Variants in PIP5K1B observed in about 807,000 individuals in gnomAD.
PIP5K1B encodes the protein phosphatidylinositol 4-phosphate 5-kinase type-1 beta.
Under a neutral mutation model 67.0 loss-of-function variants are expected in PIP5K1B, and 42 were observed. The observed-to-expected ratio is 0.63, with a 90% confidence interval of 0.49 to 0.81. The LOEUF (loss-of-function observed/expected upper bound fraction) is 0.81. PIP5K1B is among the 30% of genes least tolerant of loss of function. PIP5K1B has a pLI of 0.00. For missense variants in PIP5K1B, 459 were observed against 646.3 expected, an observed-to-expected ratio of 0.71 and a Z score of 3.14; for synonymous variants, 214 against 231.4, an observed-to-expected ratio of 0.92 and a Z score of 0.68.
chr9:68,866,814 C>A (rs541717907), intron 5 of PIP5K1B, among the ~76,000 whole-genome samples: 1 of 152,214 alleles, frequency 6.6e-6, no homozygotes, highest in Non-Finnish European at 1.5e-5. Flanking sequence ...GCTGGAGGTT[C>A]ATGGACCAGA....
At chr9:68,748,257 T>C (rs1217753263) in intron 2 of PIP5K1B, among the ~76,000 whole-genome samples, 1 of 152,220 alleles carries the variant, frequency 6.6e-6, no homozygotes, top group African/African-American at 2.4e-5. Context: ...ATATTTTTAA[T>C]ATCAAAACAT....
chr9:68,907,442 AT>A (rs1268686793), intron 8 of PIP5K1B, among the ~76,000 whole-genome samples: 3 of 152,062 alleles, frequency 2.0e-5, no homozygotes, highest in East Asian at 3.9e-4. Flanking sequence ...ATTTAAAAAA[AT>A]ATTAAAATAA....
At chr9:68,873,131 G>C (rs752608476) in intron 5 of PIP5K1B, among the ~76,000 whole-genome samples, 1 of 150,318 alleles carries the variant, frequency 6.7e-6, no homozygotes, top group Non-Finnish European at 1.5e-5. Flanking sequence ...TCACAGTCGT[G>C]GATTTTCACC....
At position 68,882,911 on chromosome 9, in the gene PIP5K1B, G is replaced by C. The variant is rs192779360; in HGVS notation, c.319-6070G>C. ...CTCTTTGGATCACCCTGAAGTCATG[G>C]GCAGTAGGCTGAGAACCTCAGTGTA... On this transcript the variant is annotated intron_variant, in intron 6 of 15. Transcript: ENST00000265382. 2.0e-5 allele frequency among the ~76,000 whole-genome samples: 3 copies of C among 152,274 alleles called. No individual in the cohort carries two copies. The East Asian group carries it at 5.8e-4, about 29-fold the overall frequency.
chr9:68,921,343 T>C (rs1826392045), intron 11 of PIP5K1B, among the ~76,000 whole-genome samples: 1 of 152,090 alleles, frequency 6.6e-6, no homozygotes, highest in African/African-American at 2.4e-5. Flanking sequence ...TCAATCTTAC[T>C]GAGATCAAAA....
At chr9:68,728,436 C>G (rs1238983898) in intron 1 of PIP5K1B, among the ~76,000 whole-genome samples, 1 of 152,084 alleles carries the variant, frequency 6.6e-6, no homozygotes, top group African/African-American at 2.4e-5. Context: ...CATTATTCCC[C>G]ATAGGCCCCA....
chr9:68,776,104 G>A (rs749761933), intron 2 of PIP5K1B, among the ~76,000 whole-genome samples: 1 of 152,060 alleles, frequency 6.6e-6, no homozygotes, highest in Non-Finnish European at 1.5e-5. Flanking sequence ...AAGTTCCTAT[G>A]GTTTTAAAGC....
intron 2 of PIP5K1B, chr9:68,786,260 G>A (rs1287911914): frequency 6.6e-6 from 1 of 152,104 alleles, no homozygotes; most frequent in Non-Finnish European, 1.5e-5. Flanking sequence ...ATAATGATGT[G>A]TTAATATTTC....
At chr9:68,800,301 C>T (rs1778801448) in intron 2 of PIP5K1B, among the ~76,000 whole-genome samples, 1 of 152,192 alleles carries the variant, frequency 6.6e-6, no homozygotes, top group Non-Finnish European at 1.5e-5. Flanking sequence ...TGGGGGTAGA[C>T]CTTGCCTTTC....
At chr9:68,726,707 A>G (rs878952653) in intron 1 of PIP5K1B, among the ~76,000 whole-genome samples, 4 of 152,210 alleles carry the variant, frequency 2.6e-5, no homozygotes, top group South Asian at 2.1e-4. Flanking sequence ...AAGATAAGCT[A>G]TAGCTGTTAA....
At chr9:68,923,877 T>C (rs1826538048) in intron 12 of PIP5K1B, among the ~76,000 whole-genome samples, 3 of 152,080 alleles carry the variant, frequency 2.0e-5, no homozygotes, top group Non-Finnish European at 4.4e-5. Context: ...TCATACAAAG[T>C]ATCTTTTCTG....
At position 68,917,483 on chromosome 9, in the gene PIP5K1B, T is replaced by C; in HGVS notation, c.772-65T>C. ...TGTCTGTATATCTAGAGCTCTCTGA[T>C]AATGAGTAGATGAGACGAACAGGCC... On this transcript the variant is annotated intron_variant, in intron 8 of 15. Transcript: ENST00000265382. The C allele has an allele frequency of 2.7e-6, 3 of 1,124,986 alleles. No individual in the cohort carries two copies. In the South Asian group the frequency reaches 3.8e-5, roughly 14 times the overall value. The allele number at this position is 1,124,986 out of a possible 1,614,324, so 69.7% of individuals were successfully genotyped here.
At chr9:68,850,332 T>C (rs1242116131) in intron 4 of PIP5K1B, among the ~76,000 whole-genome samples, 8 of 152,212 alleles carry the variant, frequency 5.3e-5, no homozygotes, top group Non-Finnish European at 1.2e-4. Context: ...TTGAAATCCA[T>C]TACTATATCA....
intron 8 of PIP5K1B, among the ~76,000 whole-genome samples, chr9:68,915,748 C>G (rs1252890418): frequency 1.3e-5 from 2 of 152,208 alleles, no homozygotes; most frequent in Admixed American, 1.3e-4. Context: ...AGATTCTACT[C>G]TGAGCTCCTG....
chr9:68,903,355 CAAGGT>C (rs1825456699), intron 8 of PIP5K1B, among the ~76,000 whole-genome samples: 1 of 152,124 alleles, frequency 6.6e-6, no homozygotes, highest in African/African-American at 2.4e-5. Context: ...TGGAAAGAAC[CAAGGT>C]AAATCATGTC....
chr9:68,784,688 CAG>C (rs1463100021), intron 2 of PIP5K1B: 18 of 162,514 alleles, frequency 1.1e-4, no homozygotes, highest in African/African-American at 3.6e-4. Flanking sequence ...AGGTGGGAGT[CAG>C]GGGAATGGTT....
intron 2 of PIP5K1B, chr9:68,780,084 C>CATTAAAA: frequency 7.2e-7 from 1 of 1,388,986 alleles, no homozygotes; most frequent in Non-Finnish European, 9.4e-7. Flanking sequence ...GTGGCGGCGG[C>CATTAAAA]AGCGGCGGCG....
At chr9:68,762,241 T>G (rs1437912302) in intron 2 of PIP5K1B, among the ~76,000 whole-genome samples, 1 of 151,832 alleles carries the variant, frequency 6.6e-6, no homozygotes, top group African/African-American at 2.4e-5. Flanking sequence ...TAAGCTTAAT[T>G]TTTTTTATTT....
At chr9:68,773,051 G>A (rs893884892) in intron 2 of PIP5K1B, among the ~76,000 whole-genome samples, 31 of 152,280 alleles carry the variant, frequency 2.0e-4, no homozygotes, top group African/African-American at 7.2e-4. Flanking sequence ...CTGGAAGTAT[G>A]ATAATCTGAC....
Sources: gnomAD v4.1 joint callset for allele counts (sites outside exome capture counted in the v4.1 genomes callset) on GRCh38, gnomAD v4.1.1 for gene constraint, MANE v1.5 for transcripts, NCBI Gene and HGNC (gene_info 2026-07-23, HGNC 2026-07-21) for gene names.